The following KCNH1 variants were observed in gnomAD, a reference collection of about 807,000 sequenced individuals.
The protein encoded by KCNH1 is voltage-gated delayed rectifier potassium channel KCNH1.
In KCNH1, 27 loss-of-function variants were observed where a neutral mutation model predicts 69.2. The ratio of observed to expected loss-of-function variants is 0.39; its 90% CI spans 0.29 to 0.54. The LOEUF (loss-of-function observed/expected upper bound fraction) is 0.54, where lower values mean the gene tolerates loss of function less well. Ranked by LOEUF, KCNH1 falls within the 20% of genes least tolerant of loss-of-function variation. The pLI, the probability that KCNH1 is intolerant of heterozygous loss-of-function variation, is 0.68. For missense variants in KCNH1, 798 were observed against 1,261.6 expected (o/e 0.63, Z 5.57); for synonymous variants, 456 against 487.7 (o/e 0.93, Z 0.86).
At chr1:210,870,772 A>C (rs1458682063) in intron 7 of KCNH1, among the ~76,000 whole-genome samples, 1 of 152,190 alleles carries the variant, frequency 6.6e-6, no homozygotes, top group African/African-American at 2.4e-5. Flanking sequence ...TATGATACTA[A>C]TACATTCTTC....
chr1:211,087,992 G>A (rs148117927), intron 4 of KCNH1, among the ~76,000 whole-genome samples: 50 of 152,228 alleles, frequency 3.3e-4, no homozygotes, highest in Non-Finnish European at 5.0e-4. Context: ...CGATTTGTGG[G>A]AAAACTGGGG....
chr1:210,913,880 C>T (rs1373349952), intron 7 of KCNH1, among the ~76,000 whole-genome samples: 1 of 152,168 alleles, frequency 6.6e-6, no homozygotes, highest in Non-Finnish European at 1.5e-5. Flanking sequence ...CAAGTTCCAG[C>T]CAATGTGATG....
intron 4 of KCNH1, among the ~76,000 whole-genome samples, chr1:211,087,921 T>A (rs1380655281): frequency 6.6e-6 from 1 of 152,150 alleles, no homozygotes; most frequent in Non-Finnish European, 1.5e-5. Flanking sequence ...GAGAAGTTAC[T>A]TTGTGTCAGA....
chr1:210,858,083 T>C (rs1258884802), intron 7 of KCNH1: 1 of 152,202 alleles, frequency 6.6e-6, no homozygotes, highest in African/African-American at 2.4e-5. Flanking sequence ...TTGTTATAAA[T>C]TGTTTATATT....
At chr1:210,701,509 T>C (rs17016712) in intron 10 of KCNH1, among the ~76,000 whole-genome samples, 3,313 of 152,308 alleles carry the variant, frequency 0.022, 42 homozygotes, top group Middle Eastern at 0.048. Flanking sequence ...GATACCAACT[T>C]GGGATCAGAC....
At position 210,804,009 on chromosome 1, in the gene KCNH1, A is replaced by T; in HGVS notation, c.1620T>A (p.Ile540=). ...KGLSERVMDY[I]VSTWSMSRGI... Reference sequence around the variant, plus strand: ...CTCTGGACATGGACCAAGTGGACACAATATAATCCATTACTCGCTCACTCA... The same window carrying T: ...CTCTGGACATGGACCAAGTGGACACTATATAATCCATTACTCGCTCACTCA... Residue 540 remains isoleucine (I), a synonymous_variant, in exon 8 of 11, where the codon ATT becomes ATA. Transcript: ENST00000271751. 6.2e-7 allele frequency: 1 copy of T among 1,614,166 alleles called. No homozygotes were observed. Among genetic ancestry groups the T allele is most frequent in the Non-Finnish European group, 8.5e-7 (1 of 1,180,030 alleles).
intron 7 of KCNH1, among the ~76,000 whole-genome samples, chr1:210,883,657 G>A (rs1250666148): frequency 6.6e-6 from 1 of 152,200 alleles, no homozygotes; most frequent in Non-Finnish European, 1.5e-5. Flanking sequence ...ACTTCATAGT[G>A]TTATTGAGAG....
chr1:210,935,120 TCA>T (rs10588037), intron 6 of KCNH1, among the ~76,000 whole-genome samples: 6,928 of 129,012 alleles, frequency 0.054, 232 homozygotes, highest in African/African-American at 0.075. Flanking sequence ...AAAGAAAATG[TCA>T]CACACACACA....
intron 1 of KCNH1, among the ~76,000 whole-genome samples, chr1:211,112,309 C>A: frequency 7.1e-6 from 1 of 141,802 alleles, no homozygotes; most frequent in Non-Finnish European, 1.6e-5. Flanking sequence ...CCCCTCCACC[C>A]CTCCCCCGGG....
At chr1:210,808,652 T>C (rs973234258) in intron 7 of KCNH1, among the ~76,000 whole-genome samples, 3 of 152,078 alleles carry the variant, frequency 2.0e-5, no homozygotes, top group African/African-American at 7.2e-5. Flanking sequence ...CACCTCAGCC[T>C]CCCAAAGTGC....
chr1:211,026,042 T>G (rs182602195), intron 5 of KCNH1, among the ~76,000 whole-genome samples: 1 of 152,282 alleles, frequency 6.6e-6, no homozygotes, highest in East Asian at 1.9e-4. Context: ...TCTTTTCTCA[T>G]TCCTTTGACT....
chr1:211,087,423 C>T (rs75161983), intron 4 of KCNH1, among the ~76,000 whole-genome samples: 2,130 of 152,148 alleles, frequency 0.014, 46 homozygotes, highest in African/African-American at 0.049. Flanking sequence ...TAATTCTATA[C>T]TCATTTGCCC....
intron 6 of KCNH1, among the ~76,000 whole-genome samples, chr1:210,985,837 A>T (rs1000772482): frequency 1.4e-4 from 22 of 152,026 alleles, no homozygotes; most frequent in Admixed American, 3.9e-4. Flanking sequence ...CTGGATATCC[A>T]TGTTAACTTT....
At chr1:210,707,162 C>A (rs1266452505) in intron 10 of KCNH1, among the ~76,000 whole-genome samples, 2 of 152,170 alleles carry the variant, frequency 1.3e-5, no homozygotes, top group Non-Finnish European at 2.9e-5. Flanking sequence ...TGAGAGGAGT[C>A]TGGTAGGCGT....
intron 1 of KCNH1, among the ~76,000 whole-genome samples, chr1:211,130,044 T>A (rs1248136257): frequency 6.6e-6 from 1 of 152,160 alleles, no homozygotes; most frequent in Non-Finnish European, 1.5e-5. Flanking sequence ...CTAAGACAGA[T>A]CTCCTATTTG....
rs1681215893 is a variant in KCNH1, at chr1:210,679,599, G to A, written c.*3682C>T. The A allele has an allele frequency of 6.6e-6, 1 of 152,258 alleles. No individual in the cohort carries two copies. The highest frequency in any genetic ancestry group is 2.4e-5 in the African/African-American group (1 of 41,438). 9.4% of individuals were successfully genotyped at this position (152,258 alleles called of 1,614,324 possible). On this transcript the variant is annotated 3_prime_UTR_variant, in exon 11 of 11. Coordinates refer to ENST00000271751, the MANE Select transcript of KCNH1 (RefSeq NM_172362.3). ...AAGGGCCTGGACAAAGAGCTTGACAGTTGGCATAATACTTCTACCTTCCAT... is the reference window on the plus strand; with the variant it reads ...AAGGGCCTGGACAAAGAGCTTGACAATTGGCATAATACTTCTACCTTCCAT...
At chr1:210,734,811 C>G (rs540441260) in intron 10 of KCNH1, among the ~76,000 whole-genome samples, 4 of 152,142 alleles carry the variant, frequency 2.6e-5, no homozygotes, top group Non-Finnish European at 5.9e-5. Flanking sequence ...TAGCACCTAC[C>G]CCATAAGGTT....
intron 7 of KCNH1, among the ~76,000 whole-genome samples, chr1:210,890,730 G>A (rs1392727225): frequency 1.3e-5 from 2 of 152,100 alleles, no homozygotes; most frequent in African/African-American, 4.8e-5. Context: ...AGTGGGTATA[G>A]CATATGACAG....
intron 7 of KCNH1, among the ~76,000 whole-genome samples, chr1:210,863,894 G>C (rs1342585670): frequency 6.6e-6 from 1 of 152,172 alleles, no homozygotes; most frequent in Non-Finnish European, 1.5e-5. Flanking sequence ...CTGTCATGTA[G>C]AAAGGCCTCA....
Sources: allele counts gnomAD v4.1 joint callset (sites outside exome capture counted in the v4.1 genomes callset), GRCh38; gene constraint gnomAD v4.1.1; transcripts MANE v1.5; gene names NCBI Gene and HGNC (gene_info 2026-07-23, HGNC 2026-07-21).